The following HECW1 variants were observed in gnomAD, a reference collection of about 807,000 sequenced individuals.
HECW1 encodes the protein E3 ubiquitin-protein ligase HECW1.
In HECW1, 61 loss-of-function variants were observed where a neutral mutation model predicts 182.3. The observed-to-expected ratio is 0.33, with a 90% CI of 0.27 to 0.41. HECW1 has a LOEUF of 0.41. Among genes scored for constraint, HECW1 ranks in the 10% least tolerant of loss-of-function variants. The pLI is 1.00. For synonymous variants in HECW1, 859 were observed against 832.6 expected (o/e 1.03, Z -0.55); for missense variants, 1,739 against 2,108.9 (o/e 0.82, Z 3.44).
chr7:43,448,780 G>T (rs2077143696), intron 11 of HECW1, among the ~76,000 whole-genome samples: 1 of 152,140 alleles, frequency 6.6e-6, no homozygotes, highest in Non-Finnish European at 1.5e-5. Flanking sequence ...CTACAATTAG[G>T]TTATATTATT....
intron 27 of HECW1, among the ~76,000 whole-genome samples, chr7:43,551,245 A>C (rs2081814744): frequency 6.6e-6 from 1 of 152,204 alleles, no homozygotes; most frequent in South Asian, 2.1e-4. Flanking sequence ...GCCTGGGTAC[A>C]CTTGGCACAA....
intron 5 of HECW1, among the ~76,000 whole-genome samples, chr7:43,332,295 G>T (rs144494191): frequency 6.6e-5 from 10 of 152,236 alleles, no homozygotes; most frequent in Non-Finnish European, 1.2e-4. Context: ...GACACACGGA[G>T]CTGGAACCTC....
At chr7:43,114,511 GTGGTAGAATTCCCTGT>G (rs779121677) in intron 2 of HECW1, 120 bp downstream of exon 2, 46 of 878,462 alleles carry the variant, frequency 5.2e-5, no homozygotes, top group African/African-American at 1.8e-4. Context: ...GAGATAGATT[GTGGTAGAATTCCCTGT>G]TGGTAGAATT....
chr7:43,350,328 A>G (rs1814267963), intron 5 of HECW1, among the ~76,000 whole-genome samples: 1 of 152,132 alleles, frequency 6.6e-6, no homozygotes, highest in African/African-American at 2.4e-5. Context: ...AGATAACCTG[A>G]TGACAGTGTG....
At chr7:43,509,932 C>A (rs1253171303) in intron 24 of HECW1, 1 of 152,272 alleles carries the variant, frequency 6.6e-6, no homozygotes, top group Admixed American at 6.5e-5. Flanking sequence ...GGCCTTAGAA[C>A]CCAAGTTCCT....
intron 3 of HECW1, among the ~76,000 whole-genome samples, chr7:43,302,497 T>C (rs760273516): frequency 3.3e-5 from 5 of 152,202 alleles, no homozygotes; most frequent in Non-Finnish European, 7.3e-5. Flanking sequence ...GGTGGTGCCC[T>C]GGTTACGGGA....
At chr7:43,465,630 C>T (rs1027858781) in intron 14 of HECW1, among the ~76,000 whole-genome samples, 2 of 152,154 alleles carry the variant, frequency 1.3e-5, no homozygotes, top group African/African-American at 4.8e-5. Context: ...GGAAGAGCAG[C>T]GAAGTCCCAA....
chr7:43,423,368 A>T (rs547714592), intron 8 of HECW1, among the ~76,000 whole-genome samples: 1 of 152,282 alleles, frequency 6.6e-6, no homozygotes, highest in South Asian at 2.1e-4. Context: ...AATCACCAAC[A>T]TGAAAACATA....
chr7:43,405,832 T>C lies in HECW1; in HGVS notation c.632-1730T>C, dbSNP rs577859981. Among the ~76,000 whole-genome samples, 15 of 152,326 alleles carry C rather than the reference T, an allele frequency of 9.8e-5. No homozygotes were observed. In the South Asian group the frequency reaches 2.9e-3, roughly 29 times the overall value. Reference sequence around the variant, plus strand: ...AGTTGAGTAGTCTCAGGCTGCTATGTTAACTTCTGTCTACACACATTCCTG... The same window carrying C: ...AGTTGAGTAGTCTCAGGCTGCTATGCTAACTTCTGTCTACACACATTCCTG... On this transcript the variant is annotated intron_variant, in intron 7 of 29. Transcript: ENST00000395891.
At chr7:43,474,411 T>C (rs932757191) in intron 16 of HECW1, among the ~76,000 whole-genome samples, 1 of 152,104 alleles carries the variant, frequency 6.6e-6, no homozygotes, top group East Asian at 1.9e-4. Context: ...ATGGCGCCAC[T>C]GCACTCCAGC....
intron 3 of HECW1, among the ~76,000 whole-genome samples, chr7:43,273,318 A>G (rs1802650310): frequency 6.6e-6 from 1 of 152,158 alleles, no homozygotes; most frequent in South Asian, 2.1e-4. Context: ...CCCTGAATCT[A>G]AAAGTTGAAA....
intron 1 of HECW1, among the ~76,000 whole-genome samples, chr7:43,113,286 G>A (rs1411674695): frequency 1.3e-5 from 2 of 152,196 alleles, no homozygotes; most frequent in Admixed American, 1.3e-4. Flanking sequence ...GTCAGGGGAG[G>A]GGGCGGAGAG....
intron 13 of HECW1, among the ~76,000 whole-genome samples, chr7:43,459,232 T>G (rs1048103171): frequency 6.6e-6 from 1 of 152,208 alleles, no homozygotes; most frequent in African/African-American, 2.4e-5. Context: ...TGCCTGTTCT[T>G]ACCTTTTTGC....
intron 3 of HECW1, among the ~76,000 whole-genome samples, chr7:43,264,639 ACC>A (rs1801550328): frequency 1.3e-5 from 2 of 152,034 alleles, no homozygotes; most frequent in Admixed American, 1.3e-4. Context: ...AGGTCAGGAG[ACC>A]AAGACCATCC....
chr7:43,278,229 C>T (rs1803420820), intron 3 of HECW1, among the ~76,000 whole-genome samples: 1 of 152,128 alleles, frequency 6.6e-6, no homozygotes, highest in Non-Finnish European at 1.5e-5. Context: ...GATCATCAGC[C>T]ATTTCAATCT....
chr7:43,211,190 T>G (rs1175921001), intron 2 of HECW1, among the ~76,000 whole-genome samples: 2 of 152,206 alleles, frequency 1.3e-5, no homozygotes, highest in Admixed American at 1.3e-4. Flanking sequence ...CAGCTAGGTT[T>G]AGGGATTCTT....
chr7:43,232,021 CAAAA>C (rs34791514), intron 2 of HECW1, among the ~76,000 whole-genome samples: 2 of 71,344 alleles, frequency 2.8e-5, no homozygotes, highest in Non-Finnish European at 2.7e-5. Flanking sequence ...GACTCCATCT[CAAAA>C]AAAAAAAAAA....
chr7:43,541,848 T>C (rs749065716), intron 25 of HECW1, 21 bp from the exon 26 acceptor site: 1 of 1,442,824 alleles, frequency 6.9e-7, no homozygotes, highest in South Asian at 1.7e-5. Flanking sequence ...GTAATTTGCC[T>C]TTCTCACTGA....
rs1563136125 is a variant in HECW1, at chr7:43,565,582, T to TTATTTTTA, written c.*3657_*3658insATTTTTAT. The TTATTTTTA allele has an allele frequency of 6.0e-4, 96 of 161,308 alleles. No homozygotes were observed. Among genetic ancestry groups the TTATTTTTA allele is most frequent in the Middle Eastern group, 2.8e-3 (1 of 360 alleles). 10.0% of individuals were successfully genotyped at this position (161,308 alleles called of 1,614,324 possible). On this transcript the variant is annotated 3_prime_UTR_variant, in exon 30 of 30. Coordinates refer to ENST00000395891, the MANE Select transcript of HECW1 (RefSeq NM_015052.5). Reference sequence around the variant, plus strand: ...CTTTATTATTATTATTATTATTATTTTTATTATTATTATTATTACGTACTT... The same window carrying TTATTTTTA: ...CTTTATTATTATTATTATTATTATTTTATTTTTATTATTATTATTATTATTACGTACTT...
Sources: gnomAD v4.1 joint callset for allele counts (sites outside exome capture counted in the v4.1 genomes callset) on GRCh38, gnomAD v4.1.1 for gene constraint, MANE v1.5 for transcripts, NCBI Gene and HGNC (gene_info 2026-07-23, HGNC 2026-07-21) for gene names.